ERI3: variants seen among roughly 807,000 people sequenced by gnomAD.
ERI3 encodes ERI1 exoribonuclease 3.
A neutral mutation model predicts 44.4 loss-of-function variants in ERI3; 18 were observed. The ratio of observed to expected loss-of-function variants is 0.41; its 90% CI spans 0.28 to 0.60. ERI3 has a LOEUF of 0.60. Ranked by LOEUF, ERI3 falls within the 20% of genes least tolerant of loss-of-function variation. ERI3 has a pLI of 0.36. For missense variants in ERI3, 294 were observed against 435.5 expected (o/e 0.68, Z 2.89); for synonymous variants, 183 against 164.8 (o/e 1.11, Z -0.84).
At chr1:44,225,703 C>T (rs910901373) in intron 8 of ERI3, among the ~76,000 whole-genome samples, 13 of 152,130 alleles carry the variant, frequency 8.5e-5, no homozygotes, top group African/African-American at 2.7e-4. Context: ...ACTTAGGACA[C>T]CCAGAAAGAG....
chr1:44,246,109 G>C (rs1433441035), intron 8 of ERI3, among the ~76,000 whole-genome samples: 3 of 152,142 alleles, frequency 2.0e-5, no homozygotes, highest in African/African-American at 7.2e-5. Flanking sequence ...TGCAGGAAAA[G>C]TCCACACCCT....
At chr1:44,351,277 G>A (rs1394861269) in intron 2 of ERI3, among the ~76,000 whole-genome samples, 1 of 151,976 alleles carries the variant, frequency 6.6e-6, no homozygotes, top group African/African-American at 2.4e-5. Context: ...CAAGTGATCT[G>A]CCCACCTCAG....
intron 8 of ERI3, among the ~76,000 whole-genome samples, chr1:44,229,297 G>T (rs543681829): frequency 6.6e-6 from 1 of 152,304 alleles, no homozygotes; most frequent in South Asian, 2.1e-4. Context: ...TTATAGTGCT[G>T]GGTTTTTGTT....
chr1:44,318,188 G>A (rs946033728), intron 4 of ERI3, among the ~76,000 whole-genome samples: 1 of 152,118 alleles, frequency 6.6e-6, no homozygotes, highest in Non-Finnish European at 1.5e-5. Flanking sequence ...ATCCACTCCT[G>A]CCCAGGGTCC....
chr1:44,289,625 C>T (rs1386090516), intron 6 of ERI3, among the ~76,000 whole-genome samples: 1 of 152,240 alleles, frequency 6.6e-6, no homozygotes, highest in Non-Finnish European at 1.5e-5. Flanking sequence ...GCAAAAGGAG[C>T]CAGCCTTCCC....
intron 8 of ERI3, among the ~76,000 whole-genome samples, chr1:44,247,001 C>G (rs1644568249): frequency 6.6e-6 from 1 of 152,202 alleles, no homozygotes; most frequent in Non-Finnish European, 1.5e-5. Context: ...TATGCTTGGT[C>G]AGGTGCCTCA....
At position 44,222,617 on chromosome 1, in the gene ERI3, C is replaced by A. The variant is rs548166200; in HGVS notation, c.932-977G>T. Among the ~76,000 whole-genome samples, 4 of 152,286 alleles carry A rather than the reference C, an allele frequency of 2.6e-5. No individual in the cohort carries two copies. In the South Asian group the frequency reaches 8.3e-4, roughly 32 times the overall value. ...CCACCACCACCAGCAGCAGGAGGTG[C>A]ACCTGCCCAGAGCTTATTCCACTAG... On this transcript the variant is annotated intron_variant, in intron 8 of 8. Coordinates refer to ENST00000372257, the MANE Select transcript of ERI3 (RefSeq NM_024066.3).
At chr1:44,315,176 A>G (rs1254705899) in intron 4 of ERI3, among the ~76,000 whole-genome samples, 6 of 152,220 alleles carry the variant, frequency 3.9e-5, no homozygotes, top group Non-Finnish European at 8.8e-5. Flanking sequence ...TCCAAATGTT[A>G]GTCTTGTGTC....
chr1:44,259,920 T>TAGACAGACAGACAGAC (rs200389542), intron 7 of ERI3, among the ~76,000 whole-genome samples: 240 of 129,724 alleles, frequency 1.9e-3, no homozygotes, highest in African/African-American at 6.2e-3. Context: ...GATAGATAGA[T>TAGACAGACAGACAGAC]AGACAGACAG....
At chr1:44,222,035 G>A (rs939589717) in intron 8 of ERI3, among the ~76,000 whole-genome samples, 6 of 152,218 alleles carry the variant, frequency 3.9e-5, no homozygotes, top group Admixed American at 1.3e-4. Flanking sequence ...GCCACACTCC[G>A]TCTTCCCGCC....
chr1:44,268,170 T>C (rs1645025030), intron 7 of ERI3, among the ~76,000 whole-genome samples: 1 of 152,206 alleles, frequency 6.6e-6, no homozygotes, highest in African/African-American at 2.4e-5. Flanking sequence ...TTTTCCCCCA[T>C]CTGCCTATTG....
chr1:44,293,882 C>T (rs1350004581), intron 6 of ERI3, among the ~76,000 whole-genome samples: 3 of 152,156 alleles, frequency 2.0e-5, no homozygotes, highest in East Asian at 3.9e-4. Flanking sequence ...TGGCCTGGCA[C>T]GGGTCACGGC....
chr1:44,298,673 G>T (rs1645661024), intron 6 of ERI3, among the ~76,000 whole-genome samples: 1 of 152,126 alleles, frequency 6.6e-6, no homozygotes, highest in Non-Finnish European at 1.5e-5. Flanking sequence ...TCAGCACTTT[G>T]GGAGGCCAAG....
rs1393211124 is a variant in ERI3 at position 44,221,501 on chromosome 1, G to T, written c.*57C>A. ...TCTTCCCCTCTGGTGAGGGAGAGGA[G>T]GATTCTGGGCTGGGCCAAACAGCTA... On this transcript the variant is annotated 3_prime_UTR_variant, in exon 9 of 9. Transcript: ENST00000372257. The surrounding 1 kb of genome is among the most constrained non-coding windows in gnomAD (Gnocchi z 5.9). The T allele has an allele frequency of 2.4e-5, 33 of 1,399,816 alleles. No individual in the cohort carries two copies. Among genetic ancestry groups the T allele is most frequent in the South Asian group, 3.5e-5 (3 of 86,484 alleles). 86.7% of individuals were successfully genotyped at this position (1,399,816 alleles called of 1,614,324 possible). A position where few individuals can be genotyped will look rare whatever the true frequency, so the allele number is the denominator to read the frequency against.
intron 7 of ERI3, among the ~76,000 whole-genome samples, chr1:44,250,476 G>A (rs140518295): frequency 6.6e-6 from 1 of 152,208 alleles, no homozygotes; most frequent in African/African-American, 2.4e-5. Context: ...GGACAGCAGA[G>A]CCCCAGGAGG....
intron 7 of ERI3, among the ~76,000 whole-genome samples, chr1:44,281,737 A>G (rs1366874709): frequency 6.6e-6 from 1 of 151,702 alleles, no homozygotes; most frequent in Non-Finnish European, 1.5e-5. Context: ...ATGCCTGCAA[A>G]TATTTCTGCA....
At chr1:44,265,108 C>T (rs1013753258) in intron 7 of ERI3, among the ~76,000 whole-genome samples, 5 of 151,074 alleles carry the variant, frequency 3.3e-5, no homozygotes, top group Non-Finnish European at 5.9e-5. Flanking sequence ...ACAGATCCAG[C>T]CCTCCATGCT....
chr1:44,244,630 C>A (rs1177794575), intron 8 of ERI3, among the ~76,000 whole-genome samples: 2 of 152,048 alleles, frequency 1.3e-5, no homozygotes, highest in African/African-American at 4.8e-5. Context: ...TACCTTGCTG[C>A]CCCTCCCCTT....
intron 2 of ERI3, among the ~76,000 whole-genome samples, chr1:44,344,968 T>G (rs541376472): frequency 6.6e-6 from 1 of 152,268 alleles, no homozygotes; most frequent in Admixed American, 6.5e-5. Flanking sequence ...TGGAGGATGG[T>G]CTCTGTGCAG....
Sources: allele counts gnomAD v4.1 joint callset (sites outside exome capture counted in the v4.1 genomes callset), GRCh38; gene constraint gnomAD v4.1.1; non-coding constraint Gnocchi (gnomAD v3.1); transcripts MANE v1.5; gene names NCBI Gene and HGNC (gene_info 2026-07-23, HGNC 2026-07-21).